NYAP2: variants seen among roughly 807,000 people sequenced by gnomAD.
NYAP2 encodes neuronal tyrosine-phosphorylated phosphoinositide-3-kinase adapter 2.
NYAP2 carries 23 observed loss-of-function variants against 50.4 expected under a neutral mutation model. That is an observed-to-expected ratio of 0.46 (90% CI 0.33 to 0.65). The LOEUF (loss-of-function observed/expected upper bound fraction) is 0.65. Ranked by LOEUF, NYAP2 falls within the 30% of genes least tolerant of loss-of-function variation. The pLI, the probability that NYAP2 is intolerant of heterozygous loss-of-function variation, is 0.02. For synonymous variants in NYAP2, 394 were observed against 365.2 expected (o/e 1.08, Z -0.90); for missense variants, 885 against 861.0 (o/e 1.03, Z -0.35).
chr2:225,594,633 A>AATATGTG (rs1220160364), intron 5 of NYAP2, among the ~76,000 whole-genome samples: 22 of 152,314 alleles, frequency 1.4e-4, no homozygotes, highest in African/African-American at 5.1e-4. Context: ...CGCGGTCTTG[A>AATATGTG]ATATGTGTGT....
chr2:225,672,674 A>G, the NYAP2 span, among the ~76,000 whole-genome samples: 1 of 152,094 alleles, frequency 6.6e-6, no homozygotes, highest in Non-Finnish European at 1.5e-5. Context: ...GCTTAATCAT[A>G]TCTACCTTTT....
chr2:225,467,206 TTAG>T (rs962860903), intron 3 of NYAP2, among the ~76,000 whole-genome samples: 3 of 152,158 alleles, frequency 2.0e-5, no homozygotes, highest in African/African-American at 7.2e-5. Flanking sequence ...CCGAATGTCC[TTAG>T]AGGTCAGATA....
chr2:225,418,933 A>C (rs966958952), intron 3 of NYAP2, among the ~76,000 whole-genome samples: 2 of 152,208 alleles, frequency 1.3e-5, no homozygotes, highest in African/African-American at 4.8e-5. Context: ...CAAATTTTTA[A>C]GTGTATAACA....
At chr2:225,622,585 T>C (rs1460280069) in intron 5 of NYAP2, among the ~76,000 whole-genome samples, 2 of 143,944 alleles carry the variant, frequency 1.4e-5, no homozygotes, top group Non-Finnish European at 3.0e-5. Flanking sequence ...CTTTCTTCTT[T>C]CTTTTTTTTT....
At chr2:225,504,395 C>G (rs755961450) in intron 3 of NYAP2, among the ~76,000 whole-genome samples, 1 of 152,086 alleles carries the variant, frequency 6.6e-6, no homozygotes, top group Non-Finnish European at 1.5e-5. Flanking sequence ...TACCATCACA[C>G]TGGGGATTAG....
chr2:225,632,211 G>C (rs1233602653), intron 6 of NYAP2, among the ~76,000 whole-genome samples: 1 of 152,196 alleles, frequency 6.6e-6, no homozygotes, highest in Non-Finnish European at 1.5e-5. Context: ...TAGACTTTCT[G>C]TTTTGGAACA....
At chr2:225,434,131 C>A (rs1001495128) in intron 3 of NYAP2, among the ~76,000 whole-genome samples, 5 of 152,150 alleles carry the variant, frequency 3.3e-5, no homozygotes, top group Non-Finnish European at 7.4e-5. Context: ...GAGAACCTAG[C>A]AAGGTTGTCT....
intron 6 of NYAP2, among the ~76,000 whole-genome samples, chr2:225,649,992 A>G (rs1476689826): frequency 6.6e-6 from 1 of 152,214 alleles, no homozygotes; most frequent in Non-Finnish European, 1.5e-5. Flanking sequence ...TTTGCCAAGA[A>G]AGAAAACTAT....
chr2:225,636,889 C>T (rs1284777767), intron 6 of NYAP2, among the ~76,000 whole-genome samples: 1 of 152,150 alleles, frequency 6.6e-6, no homozygotes, highest in African/African-American at 2.4e-5. Flanking sequence ...ACTTGACCCA[C>T]ATTTGACTAA....
At chr2:225,522,928 G>A (rs1400348839) in intron 4 of NYAP2, among the ~76,000 whole-genome samples, 2 of 152,032 alleles carry the variant, frequency 1.3e-5, no homozygotes, top group Non-Finnish European at 2.9e-5. Flanking sequence ...GTTGATTATG[G>A]CTGTTTGGTG....
At chr2:225,546,747 CA>C (rs941347087) in intron 4 of NYAP2, among the ~76,000 whole-genome samples, 2 of 152,042 alleles carry the variant, frequency 1.3e-5, no homozygotes, top group African/African-American at 4.8e-5. Context: ...CTGGTTTTCT[CA>C]AGCAGAAGGA....
At chr2:225,413,383 C>A (rs1389975846) in intron 3 of NYAP2, among the ~76,000 whole-genome samples, 1 of 152,194 alleles carries the variant, frequency 6.6e-6, no homozygotes, top group African/African-American at 2.4e-5. Flanking sequence ...AGACTGGCGT[C>A]TGTCCTGCTG....
At chr2:225,460,306 G>A (rs980927812) in intron 3 of NYAP2, among the ~76,000 whole-genome samples, 1 of 152,156 alleles carries the variant, frequency 6.6e-6, no homozygotes, top group African/African-American at 2.4e-5. Context: ...TACTAGGGTT[G>A]TTCATGGTAG....
intron 3 of NYAP2, among the ~76,000 whole-genome samples, chr2:225,423,306 G>A (rs180964114): frequency 1.5e-4 from 23 of 152,332 alleles, no homozygotes; most frequent in Non-Finnish European, 2.1e-4. Flanking sequence ...CTATTTCAAT[G>A]TGACTTAGAA....
chr2:225,646,900 C>T (rs534890267), intron 6 of NYAP2, among the ~76,000 whole-genome samples: 131 of 152,204 alleles, frequency 8.6e-4, no homozygotes, highest in Non-Finnish European at 1.4e-3. Context: ...TTCCAGGTCA[C>T]GGTGACATTT....
At chr2:225,552,127 A>T (rs549162042) in intron 4 of NYAP2, among the ~76,000 whole-genome samples, 2 of 152,052 alleles carry the variant, frequency 1.3e-5, no homozygotes, top group Admixed American at 1.3e-4. Context: ...TTTCTTTTTG[A>T]TTCATTGTTC....
intron 4 of NYAP2, among the ~76,000 whole-genome samples, chr2:225,524,597 CT>C (rs1559204503): frequency 6.6e-6 from 1 of 152,110 alleles, no homozygotes; most frequent in Non-Finnish European, 1.5e-5. Flanking sequence ...CAAAAATCAA[CT>C]CAAGAAGGAT....
intron 5 of NYAP2, among the ~76,000 whole-genome samples, chr2:225,606,151 TG>T (rs1176636248): frequency 6.6e-6 from 1 of 152,140 alleles, no homozygotes; most frequent in East Asian, 1.9e-4. Flanking sequence ...GAAAGTAATT[TG>T]CCCAAAGCCT....
At chr2:225,405,446 T>G (rs1295388261) in intron 2 of NYAP2, among the ~76,000 whole-genome samples, 3 of 152,048 alleles carry the variant, frequency 2.0e-5, no homozygotes, top group Non-Finnish European at 4.4e-5. Context: ...TAAACTTGAC[T>G]TAATATCTAA....
Sources: allele counts gnomAD v4.1 joint callset (sites outside exome capture counted in the v4.1 genomes callset), GRCh38; gene constraint gnomAD v4.1.1; transcripts MANE v1.5; gene names NCBI Gene and HGNC (gene_info 2026-07-23, HGNC 2026-07-21).